Variants in FAM120A observed in about 807,000 individuals in gnomAD.
The protein encoded by FAM120A is constitutive coactivator of PPAR-gamma-like protein 1.
Under a neutral mutation model 109.7 loss-of-function variants are expected in FAM120A, and 15 were observed. That is an observed-to-expected ratio of 0.14 (90% CI 0.09 to 0.21). The LOEUF (loss-of-function observed/expected upper bound fraction) is 0.21, where lower values mean the gene tolerates loss of function less well. FAM120A is among the 10% of genes least tolerant of loss of function. The pLI is 1.00. For synonymous variants in FAM120A, 493 were observed against 572.8 expected (o/e 0.86, Z 1.99); for missense variants, 899 against 1,439.3 (o/e 0.62, Z 6.07).
intron 1 of FAM120A, among the ~76,000 whole-genome samples, chr9:93,453,856 C>T (rs1857419682): frequency 6.6e-6 from 1 of 152,182 alleles, no homozygotes; most frequent in Non-Finnish European, 1.5e-5. Context: ...TAGTCTTGTT[C>T]AGAGATGGAA....
At chr9:93,549,895 G>T (rs1862034283) in intron 11 of FAM120A, among the ~76,000 whole-genome samples, 1 of 152,158 alleles carries the variant, frequency 6.6e-6, no homozygotes, top group East Asian at 1.9e-4. Context: ...AGTACTGTAG[G>T]GTGTTTGTGA....
intron 7 of FAM120A, among the ~76,000 whole-genome samples, chr9:93,522,810 C>T (rs1029772430): frequency 6.6e-6 from 1 of 152,164 alleles, no homozygotes; most frequent in South Asian, 2.1e-4. Flanking sequence ...TTGTATCCCC[C>T]TCCCCTGTTA....
rs1861356810 is a variant in FAM120A at position 93,532,232 on chromosome 9, A to C, written c.1812A>C (p.Pro604=). 2 of 1,614,262 alleles carry C rather than the reference A, an allele frequency of 1.2e-6. No homozygotes were observed. Among genetic ancestry groups the C allele is most frequent in the Non-Finnish European group, 1.7e-6 (2 of 1,180,038 alleles). ...CTCCGGCCGCTCTGCTCTATAGGCC[A>C]GTTCGTCAGTATGTTTACGGAGTCC... ...DLPPAALLYR[P]VRQYVYGVLF... Residue 604 remains proline (P), a synonymous_variant, in exon 10 of 18, where the codon CCA becomes CCC. Transcript: ENST00000277165. This position sits in a 1 kb window ranked among gnomAD's most constrained non-coding sequence, Gnocchi z 4.3.
chr9:93,558,022 G>T lies in FAM120A; in HGVS notation c.2668+12G>T. 1 of 1,579,600 alleles carries T rather than the reference G, an allele frequency of 6.3e-7. No homozygotes were observed. Among genetic ancestry groups the T allele is most frequent in the East Asian group, 2.2e-5 (1 of 44,450 alleles). On this transcript the variant is annotated intron_variant, in intron 14 of 17. Coordinates refer to ENST00000277165, the MANE Select transcript of FAM120A (RefSeq NM_014612.5). ...CAGAGGCTTTGCAGGTGAGTTGATT[G>T]GGACGTATTCCTGTGGGTAACAGAT...
intron 12 of FAM120A, among the ~76,000 whole-genome samples, chr9:93,555,998 G>A (rs1862269234): frequency 6.6e-6 from 1 of 152,184 alleles, no homozygotes; most frequent in African/African-American, 2.4e-5. Flanking sequence ...TTACCTGTGT[G>A]CAGATCTGAA....
chr9:93,558,473 C>T (rs1197954006), intron 14 of FAM120A, 108 bp from the exon 15 acceptor site: 3 of 1,408,648 alleles, frequency 2.1e-6, no homozygotes, highest in Admixed American at 1.9e-5. Flanking sequence ...CAGGAGACCC[C>T]TCCATGGCAG....
At chr9:93,507,874 C>T (rs962529467) in intron 5 of FAM120A, among the ~76,000 whole-genome samples, 3 of 152,084 alleles carry the variant, frequency 2.0e-5, no homozygotes, top group African/African-American at 7.2e-5. Context: ...TATAGAAATT[C>T]GTAGAAGAGG....
chr9:93,531,241 G>C lies in FAM120A; in HGVS notation c.1735-914G>C, dbSNP rs1476631480. On this transcript the variant is annotated intron_variant, in intron 9 of 17. Transcript: ENST00000277165. ...GATTAATGAATATGAAAGTATGGAGGGTAAGGGGAAAGACCAGTTTTTAAA... is the reference window on the plus strand; with the variant it reads ...GATTAATGAATATGAAAGTATGGAGCGTAAGGGGAAAGACCAGTTTTTAAA... 5.9e-5 allele frequency: 9 copies of C among 152,008 alleles called. 1 individual carries two copies. 9.4% of individuals were successfully genotyped at this position (152,008 alleles called of 1,614,324 possible).
At chr9:93,483,921 A>G (rs1858925975) in intron 3 of FAM120A, among the ~76,000 whole-genome samples, 1 of 152,208 alleles carries the variant, frequency 6.6e-6, no homozygotes, top group Non-Finnish European at 1.5e-5. Context: ...GCTTGTTCAT[A>G]TCTTCCAGTC....
At chr9:93,465,922 G>A (rs1025864984) in intron 1 of FAM120A, among the ~76,000 whole-genome samples, 2 of 152,112 alleles carry the variant, frequency 1.3e-5, no homozygotes, top group African/African-American at 4.8e-5. Flanking sequence ...GAATGTCCCC[G>A]ATTTGGGTTT....
chr9:93,462,249 A>G (rs565378680), intron 1 of FAM120A, among the ~76,000 whole-genome samples: 2 of 152,338 alleles, frequency 1.3e-5, no homozygotes, highest in East Asian at 3.9e-4. Context: ...TTACCAATTT[A>G]ACCATTTTTA....
chr9:93,488,683 T>A (rs1859178754), intron 3 of FAM120A, among the ~76,000 whole-genome samples: 1 of 152,132 alleles, frequency 6.6e-6, no homozygotes, highest in Non-Finnish European at 1.5e-5. Flanking sequence ...GTATTGTGCT[T>A]GCCACCTAGT....
chr9:93,453,521 G>C, intron 1 of FAM120A: 1 of 985,468 alleles, frequency 1.0e-6, no homozygotes, highest in Non-Finnish European at 1.2e-6. Flanking sequence ...CTGAAAGTTT[G>C]TGAAATTCTG....
At chr9:93,526,795 A>G (rs1196665394) in intron 7 of FAM120A, among the ~76,000 whole-genome samples, 1 of 152,194 alleles carries the variant, frequency 6.6e-6, no homozygotes, top group Non-Finnish European at 1.5e-5. Context: ...ACTACCTCAT[A>G]ATTGCCAATT....
At chr9:93,527,075 ACTTAGCTGAGGCCCTT>A (rs1861115692) in intron 7 of FAM120A, 64 bp from the exon 8 acceptor site, 1 of 1,066,548 alleles carries the variant, frequency 9.4e-7, no homozygotes, top group Non-Finnish European at 1.5e-6. Flanking sequence ...GAGCCTGAAG[ACTTAGCTGAGGCCCTT>A]CTTATCATTG....
intron 7 of FAM120A, among the ~76,000 whole-genome samples, chr9:93,517,037 A>G (rs1044500567): frequency 6.6e-6 from 1 of 152,202 alleles, no homozygotes; most frequent in Non-Finnish European, 1.5e-5. Context: ...GATGTAGGAA[A>G]TGTAAGAGAC....
rs575333530 is a variant in FAM120A, at chr9:93,562,265, G to A, written c.3006G>A (p.Arg1002=). The A allele has an allele frequency of 6.2e-7, 1 of 1,614,164 alleles. No individual in the cohort carries two copies. The highest frequency in any genetic ancestry group is 8.5e-7 in the Non-Finnish European group (1 of 1,180,000). The change falls in exon 17 of 18, where the codon AGG becomes AGA. Residue 1002 remains arginine (R), a synonymous_variant. Coordinates refer to ENST00000277165, the MANE Select transcript of FAM120A (RefSeq NM_014612.5). ...TTAGAACATTTGGAAGAGGTGGAAG[G>A]TACTATGGCAGAGGTTACAAAAACC... ...PVIRTFGRGG[R]YYGRGYKNQA...
chr9:93,493,520 TA>T (rs1859428192), intron 3 of FAM120A, among the ~76,000 whole-genome samples: 1 of 152,242 alleles, frequency 6.6e-6, no homozygotes. Context: ...TAATGCTATC[TA>T]TCAAACTTGA....
chr9:93,508,062 A>G (rs1860143390), intron 5 of FAM120A, among the ~76,000 whole-genome samples: 1 of 152,098 alleles, frequency 6.6e-6, no homozygotes, highest in Non-Finnish European at 1.5e-5. Flanking sequence ...TTTACAGTGA[A>G]GGTAGGGGAG....
Sources: gnomAD v4.1 joint callset for allele counts (sites outside exome capture counted in the v4.1 genomes callset) on GRCh38, gnomAD v4.1.1 for gene constraint, Gnocchi (gnomAD v3.1) non-coding constraint, MANE v1.5 for transcripts, NCBI Gene and HGNC (gene_info 2026-07-23, HGNC 2026-07-21) for gene names.